EBF3: variants seen among roughly 807,000 people sequenced by gnomAD.
The protein encoded by EBF3 is transcription factor COE3.
A neutral mutation model predicts 77.1 loss-of-function variants in EBF3; 18 were observed. The observed-to-expected ratio is 0.23, with a 90% CI of 0.16 to 0.35. The LOEUF is 0.35. EBF3 is among the 10% of genes least tolerant of loss of function. The probability of loss-of-function intolerance (pLI) is 1.00; values close to 1 mark genes in which losing one functional copy is unlikely to be tolerated. For synonymous variants in EBF3, 350 were observed against 343.5 expected (o/e 1.02, Z -0.21); for missense variants, 558 against 860.0 (o/e 0.65, Z 4.39).
chr10:129,963,068 G>C lies in EBF3; in HGVS notation c.292-63C>G. On this transcript the variant is annotated intron_variant, in intron 2 of 16. Coordinates refer to ENST00000440978, the MANE Select transcript of EBF3 (RefSeq NM_001375380.1). The surrounding 1 kb of genome is among the most constrained non-coding windows in gnomAD (Gnocchi z 7.1). ...GGTGTCAGGCGCGGCCACCACGCTC[G>C]GTCCCCCTCCGCGACCGAGGCTCTC... 2 of 1,598,180 alleles carry C rather than the reference G, an allele frequency of 1.3e-6. No homozygotes were observed. Among genetic ancestry groups the C allele is most frequent in the Non-Finnish European group, 8.6e-7 (1 of 1,165,800 alleles).
At chr10:129,948,412 G>A (rs920654774) in intron 6 of EBF3, among the ~76,000 whole-genome samples, 38 of 152,260 alleles carry the variant, frequency 2.5e-4, no homozygotes, top group African/African-American at 7.9e-4. Context: ...AGGGGGAGGG[G>A]TGGCTAGGTG....
At chr10:129,937,232 G>T (rs1857425000) in intron 6 of EBF3, among the ~76,000 whole-genome samples, 1 of 152,272 alleles carries the variant, frequency 6.6e-6, no homozygotes, top group Middle Eastern at 3.4e-3. Context: ...AAGGGAAAGA[G>T]CCTGGGGTTC....
chr10:129,841,991 G>A lies in EBF3; in HGVS notation c.1372+125C>T, dbSNP rs1036981705. 1.6e-6 allele frequency: 2 copies of A among 1,266,106 alleles called. No individual in the cohort carries two copies. Among genetic ancestry groups the A allele is most frequent in the Admixed American group, 2.4e-5 (1 of 42,496 alleles). The allele number at this position is 1,266,106 out of a possible 1,614,324, so 78.4% of individuals were successfully genotyped here. On this transcript the variant is annotated intron_variant, in intron 13 of 16. Transcript: ENST00000440978. This position sits in a 1 kb window ranked among gnomAD's most constrained non-coding sequence, Gnocchi z 4.6. Reference sequence around the variant, plus strand: ...CTTCCTGAGCAAAGGAACCAGCAGAGCCAGAGAGAACAGAACGCTACGGAC... The same window carrying A: ...CTTCCTGAGCAAAGGAACCAGCAGAACCAGAGAGAACAGAACGCTACGGAC...
rs557279160 is a variant in EBF3 at position 129,938,466 on chromosome 10, T to C, written c.554+18792A>G. On this transcript the variant is annotated intron_variant, in intron 6 of 16. Transcript: ENST00000440978. The surrounding 1 kb of genome is among the most constrained non-coding windows in gnomAD (Gnocchi z 5.1). Reference sequence around the variant, plus strand: ...CTACCAGGAGGCTGAGGTGGGAACATTGCTTGAGCCCAGGAGGTCCAGGCT... The same window carrying C: ...CTACCAGGAGGCTGAGGTGGGAACACTGCTTGAGCCCAGGAGGTCCAGGCT... Among the ~76,000 whole-genome samples, 145 of 151,858 alleles carry C rather than the reference T, an allele frequency of 9.5e-4. 1 individual carries two copies. Among genetic ancestry groups the C allele is most frequent in the African/African-American group, 3.3e-3 (135 of 41,404 alleles).
Position 129,947,579 on chromosome 10 carries a change from G to A in EBF3, c.554+9679C>T, listed in dbSNP as rs1237215190. 6.6e-6 allele frequency among the ~76,000 whole-genome samples: 1 copy of A among 151,512 alleles called. No individual in the cohort carries two copies. The highest frequency in any genetic ancestry group is 2.4e-5 in the African/African-American group (1 of 41,156). Reference sequence around the variant, plus strand: ...ACATATTCCAAAATAGTATTATTGAGGAAATAAACCCCTTATAATAAGTGA... The same window carrying A: ...ACATATTCCAAAATAGTATTATTGAAGAAATAAACCCCTTATAATAAGTGA... On this transcript the variant is annotated intron_variant, in intron 6 of 16. Transcript: ENST00000440978. The surrounding 1 kb of genome is among the most constrained non-coding windows in gnomAD (Gnocchi z 4.5).
chr10:129,917,093 G>A (rs1855930502), intron 6 of EBF3, among the ~76,000 whole-genome samples: 3 of 152,222 alleles, frequency 2.0e-5, no homozygotes, highest in South Asian at 4.1e-4. Flanking sequence ...CACAGGCCAG[G>A]TGCAGCAGTT....
At chr10:129,917,665 A>AAAAAAAAAAAAAAAAAAAC (rs1418617494) in intron 6 of EBF3, among the ~76,000 whole-genome samples, 1 of 149,466 alleles carries the variant, frequency 6.7e-6, no homozygotes, top group Non-Finnish European at 1.5e-5. Context: ...AAAAAAAAAA[A>AAAAAAAAAAAAAAAAAAAC]AAAAAAAAAA....
At chr10:129,838,980 C>T (rs529889148) in intron 16 of EBF3, 103 bp downstream of exon 16, 1 of 1,120,266 alleles carries the variant, frequency 8.9e-7, no homozygotes, top group Non-Finnish European at 1.2e-6. Context: ...TGGTGTGGTG[C>T]CCGCTGATGG....
intron 8 of EBF3, among the ~76,000 whole-genome samples, chr10:129,869,115 G>A (rs974264933): frequency 8.5e-5 from 13 of 152,164 alleles, no homozygotes; most frequent in African/African-American, 1.4e-4. Flanking sequence ...CCTAAATGGC[G>A]GGAGGCCCAG....
chr10:129,910,032 T>C (rs1855415163), intron 6 of EBF3, among the ~76,000 whole-genome samples: 1 of 152,144 alleles, frequency 6.6e-6, no homozygotes, highest in South Asian at 2.1e-4. Flanking sequence ...CAGCAGACAG[T>C]AAGCAACGCG....
intron 6 of EBF3, among the ~76,000 whole-genome samples, chr10:129,937,006 A>G (rs1039038461): frequency 6.6e-6 from 1 of 152,198 alleles, no homozygotes. Flanking sequence ...CCCTCCCGCG[A>G]CAGTGCATCT....
At chr10:129,906,866 T>A (rs560322974) in intron 6 of EBF3, among the ~76,000 whole-genome samples, 70 of 151,856 alleles carry the variant, frequency 4.6e-4, no homozygotes, top group African/African-American at 1.4e-3. Flanking sequence ...AAAAAAAAAA[T>A]TTCCCTTTTA....
Position 129,870,984 on chromosome 10 carries a change from T to C in EBF3, c.781+2468A>G, listed in dbSNP as rs764898092. Among the ~76,000 whole-genome samples the C allele has an allele frequency of 1.3e-5, 2 of 152,216 alleles. No individual in the cohort carries two copies. The highest frequency in any genetic ancestry group is 2.9e-5 in the Non-Finnish European group (2 of 68,036). On this transcript the variant is annotated intron_variant, in intron 8 of 16. Transcript: ENST00000440978. This position sits in a 1 kb window ranked among gnomAD's most constrained non-coding sequence, Gnocchi z 4.4. ...GACTTCTTTGTTCTGCCTGCTAAAA[T>C]GTCTTGTAATTGTGCTTGGGATGTC...
At position 129,867,204 on chromosome 10, in the gene EBF3, C is replaced by G. The variant is rs748602693; in HGVS notation, c.976G>C (p.Val326Leu). ...PPRHIPGVVE[V>L]TLSYKSKQFC... is the part of the protein sequence containing the mutation. ...TGCTTGGATTTGTAGGAGAGGGTCA[C>G]TTCGACGACGCCAGGAATGTGCCTC... Residue 326 changes from valine to leucine, a missense_variant, in exon 10 of 17, where the codon GTG becomes CTG. Coordinates refer to ENST00000440978, the MANE Select transcript of EBF3 (RefSeq NM_001375380.1). 9 of 1,614,056 alleles carry G rather than the reference C, an allele frequency of 5.6e-6. No individual in the cohort carries two copies. Among genetic ancestry groups the G allele is most frequent in the Admixed American group, 3.3e-5 (2 of 60,000 alleles).
chr10:129,933,232 C>G (rs1035173378), intron 6 of EBF3, among the ~76,000 whole-genome samples: 32 of 152,164 alleles, frequency 2.1e-4, no homozygotes, highest in Non-Finnish European at 4.7e-4. Flanking sequence ...ATACGGGCAC[C>G]AAGTAGATCC....
chr10:129,844,160 G>A (rs906820911), intron 11 of EBF3, among the ~76,000 whole-genome samples: 1 of 152,184 alleles, frequency 6.6e-6, no homozygotes, highest in Non-Finnish European at 1.5e-5. Context: ...TTCCCTGGGT[G>A]GCTGGAGCAC....
In EBF3 at chr10:129,930,847, T is replaced by A. The variant is rs760536204; in HGVS notation, c.554+26411A>T. On this transcript the variant is annotated intron_variant, in intron 6 of 16. Coordinates refer to ENST00000440978, the MANE Select transcript of EBF3 (RefSeq NM_001375380.1). Reference sequence around the variant, plus strand: ...ATATATCTATATCTGTATCTGTCTATATCTATCTCTATATTAACAAATCCC... The same window carrying A: ...ATATATCTATATCTGTATCTGTCTAAATCTATCTCTATATTAACAAATCCC... Among the ~76,000 whole-genome samples, 6 of 150,970 alleles carry A rather than the reference T, an allele frequency of 4.0e-5. 1 individual carries two copies. Among genetic ancestry groups the A allele is most frequent in the Middle Eastern group, 7.6e-3 (2 of 264 alleles).
intron 10 of EBF3, among the ~76,000 whole-genome samples, chr10:129,855,207 C>A (rs1479369415): frequency 6.6e-6 from 1 of 152,106 alleles, no homozygotes; most frequent in African/African-American, 2.4e-5. Flanking sequence ...TCCTTCGTAT[C>A]GGGAATATTG....
chr10:129,898,077 G>T (rs1353980107), intron 6 of EBF3, among the ~76,000 whole-genome samples: 1 of 152,238 alleles, frequency 6.6e-6, no homozygotes, highest in Admixed American at 6.5e-5. Context: ...GGCTCCCAGA[G>T]ACAAGCATTT....
Sources: allele counts gnomAD v4.1 joint callset (sites outside exome capture counted in the v4.1 genomes callset), GRCh38; gene constraint gnomAD v4.1.1; non-coding constraint Gnocchi (gnomAD v3.1); transcripts MANE v1.5; gene names NCBI Gene and HGNC (gene_info 2026-07-23, HGNC 2026-07-21).